Variants in NF1 observed in about 807,000 individuals in gnomAD.
NF1 encodes neurofibromin 1.
A neutral mutation model predicts 325.7 loss-of-function variants in NF1; 122 were observed. That is an observed-to-expected ratio of 0.37 (90% CI 0.32 to 0.44). NF1 has a LOEUF of 0.44. Among genes scored for constraint, NF1 ranks in the 20% least tolerant of loss-of-function variants. NF1 has a pLI of 1.00. For missense variants in NF1, 2,140 were observed against 3,415.4 expected (o/e 0.63, Z 9.31); for synonymous variants, 1,091 against 1,186.0 (o/e 0.92, Z 1.65).
chr17:31,200,029 T>C (rs1379240523), intron 8 of NF1, among the ~76,000 whole-genome samples: 3 of 151,262 alleles, frequency 2.0e-5, no homozygotes, highest in African/African-American at 7.3e-5. Flanking sequence ...CCAGCTACTC[T>C]GGAGGCTGAG....
At position 31,098,415 on chromosome 17, in the gene NF1, A is replaced by T. The variant is rs111284452; in HGVS notation, c.60+3046A>T. 3.2e-3 allele frequency among the ~76,000 whole-genome samples: 490 copies of T among 151,934 alleles called. 2 individuals carry two copies. Among genetic ancestry groups the T allele is most frequent in the African/African-American group, 0.011 (467 of 41,456 alleles). On this transcript the variant is annotated intron_variant, in intron 1 of 57. Coordinates refer to ENST00000358273, the MANE Select transcript of NF1 (RefSeq NM_001042492.3). ...GTTTCATGATTCTTGCCTAGGCTGG[A>T]GTGCAATGATGCGACCTTGGCTTAC...
At chr17:31,364,994 T>G (rs2070482403) in intron 57 of NF1, among the ~76,000 whole-genome samples, 1 of 152,140 alleles carries the variant, frequency 6.6e-6, no homozygotes, top group Non-Finnish European at 1.5e-5. Flanking sequence ...AGAACCAGAA[T>G]TAGAACTAGA....
At chr17:31,105,998 G>A (rs1299259035) in intron 1 of NF1, among the ~76,000 whole-genome samples, 3 of 152,188 alleles carry the variant, frequency 2.0e-5, no homozygotes, top group Non-Finnish European at 4.4e-5. Flanking sequence ...CTCAGATAAT[G>A]ACCTTTTGGG....
chr17:31,325,789 T>C, intron 36 of NF1, 31 bp from the exon 37 acceptor site: 1 of 1,561,562 alleles, frequency 6.4e-7, no homozygotes, highest in Admixed American at 1.7e-5. Context: ...ACACTGCTAA[T>C]AATCTTTGTC....
At chr17:31,260,253 G>GC in intron 33 of NF1, 116 bp from the exon 34 acceptor site, 1 of 1,078,310 alleles carries the variant, frequency 9.3e-7, no homozygotes, top group Non-Finnish European at 1.4e-6. Context: ...GTGTGAACAA[G>GC]CCCTCCATAT....
At chr17:31,169,631 A>G (rs2065899820) in intron 4 of NF1, among the ~76,000 whole-genome samples, 1 of 151,996 alleles carries the variant, frequency 6.6e-6, no homozygotes, top group African/African-American at 2.4e-5. Context: ...TTGCAGCTTC[A>G]AACTTCTAGG....
intron 30 of NF1, 70 bp from the exon 31 acceptor site, chr17:31,252,868 A>C (rs1597738747): frequency 8.0e-7 from 1 of 1,251,434 alleles, no homozygotes; most frequent in African/African-American, 1.5e-5. Flanking sequence ...TTTATGTACA[A>C]GCCAACATTG....
chr17:31,129,776 T>G (rs557905814), intron 1 of NF1, among the ~76,000 whole-genome samples: 1 of 152,302 alleles, frequency 6.6e-6, no homozygotes, highest in South Asian at 2.1e-4. Flanking sequence ...TCGTTTATAT[T>G]CTTTTCTATA....
chr17:31,140,486 G>T (rs963872683), intron 1 of NF1, among the ~76,000 whole-genome samples: 1 of 152,132 alleles, frequency 6.6e-6, no homozygotes, highest in Non-Finnish European at 1.5e-5. Context: ...CAAAAATTTC[G>T]TGTCAACTCT....
At chr17:31,165,126 A>G (rs2065823968) in intron 4 of NF1, among the ~76,000 whole-genome samples, 1 of 152,246 alleles carries the variant, frequency 6.6e-6, no homozygotes, top group Non-Finnish European at 1.5e-5. Flanking sequence ...GCCTTATAGA[A>G]CACAACAAAT....
At chr17:31,203,127 C>T (rs749290426) in intron 11 of NF1, among the ~76,000 whole-genome samples, 4 of 152,180 alleles carry the variant, frequency 2.6e-5, no homozygotes, top group African/African-American at 4.8e-5. Flanking sequence ...GGACTTGGCA[C>T]TGCTGTAAGT....
At position 31,340,612 on chromosome 17, in the gene NF1, T is replaced by C. The variant is rs1555535187; in HGVS notation, c.7029T>C (p.His2343=). ...CCGCACTTCTTGAACAAAACCTGCATACTTTAGATAGTCTCCGTATATTCA... is the reference window on the plus strand; with the variant it reads ...CCGCACTTCTTGAACAAAACCTGCACACTTTAGATAGTCTCCGTATATTCA... ...AGTALLEQNL[H]TLDSLRIFND... Residue 2343 remains histidine (H), a synonymous_variant, in exon 47 of 58, where the codon CAT becomes CAC. Transcript: ENST00000358273. 6.2e-7 allele frequency: 1 copy of C among 1,614,170 alleles called. No homozygotes were observed. Among genetic ancestry groups the C allele is most frequent in the Non-Finnish European group, 8.5e-7 (1 of 1,180,014 alleles).
At chr17:31,261,526 G>A (rs1343216412) in intron 34 of NF1, among the ~76,000 whole-genome samples, 185 bp from the exon 35 acceptor site, 1 of 152,204 alleles carries the variant, frequency 6.6e-6, no homozygotes, top group Non-Finnish European at 1.5e-5. Flanking sequence ...GAGTTTAAAT[G>A]ACAGGGCATT....
chr17:31,191,360 C>A lies in NF1; in HGVS notation c.888+8695C>A, dbSNP rs375592549. Among the ~76,000 whole-genome samples the A allele has an allele frequency of 3.3e-5, 5 of 152,112 alleles. 1 individual carries two copies. The South Asian group carries it at 1.0e-3, about 32-fold the overall frequency. ...CGAGTATACATATTATTTATAATAGCGCAAATTTGAAAACAGCCCAAATGT... is the reference window on the plus strand; with the variant it reads ...CGAGTATACATATTATTTATAATAGAGCAAATTTGAAAACAGCCCAAATGT... On this transcript the variant is annotated intron_variant, in intron 8 of 57. Coordinates refer to ENST00000358273, the MANE Select transcript of NF1 (RefSeq NM_001042492.3).
At chr17:31,139,355 G>C (rs966829829) in intron 1 of NF1, among the ~76,000 whole-genome samples, 1 of 144,966 alleles carries the variant, frequency 6.9e-6, no homozygotes, top group African/African-American at 2.6e-5. Flanking sequence ...CCTACTCTTA[G>C]ATCTTAAATG....
intron 54 of NF1, chr17:31,357,579 T>C (rs2070305492): frequency 1.7e-6 from 1 of 590,812 alleles, no homozygotes; most frequent in African/African-American, 1.9e-5. Context: ...TTAAAAAATC[T>C]GGTTGATTTA....
rs954454308 is a variant in NF1 at position 31,375,089 on chromosome 17, G to T, written c.*934G>T. On this transcript the variant is annotated 3_prime_UTR_variant, in exon 58 of 58. Coordinates refer to ENST00000358273, the MANE Select transcript of NF1 (RefSeq NM_001042492.3). ...CTGAGCAGGGTAATCAGTGAACAAA[G>T]TGTTGAAAATTGTTCCCAGAAGGTA... is the stretch of plus-strand genomic sequence containing the variant. The T allele has an allele frequency of 4.7e-6, 1 of 214,138 alleles. No homozygotes were observed. The highest frequency in any genetic ancestry group is 9.5e-6 in the Non-Finnish European group (1 of 105,770). 13.3% of individuals were successfully genotyped at this position (214,138 alleles called of 1,614,324 possible).
chr17:31,366,978 A>T (rs1467533128), intron 57 of NF1, among the ~76,000 whole-genome samples: 1 of 152,014 alleles, frequency 6.6e-6, no homozygotes, highest in East Asian at 1.9e-4. Context: ...TTAATTCTTA[A>T]TTTAAACTAA....
At chr17:31,153,069 T>C (rs947993960) in intron 1 of NF1, among the ~76,000 whole-genome samples, 1 of 152,110 alleles carries the variant, frequency 6.6e-6, no homozygotes, top group African/African-American at 2.4e-5. Context: ...ATCTCTCTCT[T>C]TTTCATTTTT....
Sources: allele counts gnomAD v4.1 joint callset (sites outside exome capture counted in the v4.1 genomes callset), GRCh38; gene constraint gnomAD v4.1.1; transcripts MANE v1.5; gene names NCBI Gene and HGNC (gene_info 2026-07-23, HGNC 2026-07-21).